ZNF827: variants seen among roughly 807,000 people sequenced by gnomAD.
ZNF827 encodes the protein zinc finger protein 827.
Under a neutral mutation model 102.4 loss-of-function variants are expected in ZNF827, and 13 were observed. That is an observed-to-expected ratio of 0.13 (90% CI 0.08 to 0.20). ZNF827 has a LOEUF of 0.20. Ranked by LOEUF, ZNF827 falls within the 10% of genes least tolerant of loss-of-function variation. The pLI is 1.00. For synonymous variants in ZNF827, 523 were observed against 536.2 expected, an observed-to-expected ratio of 0.98 and a Z score of 0.34; for missense variants, 1,103 against 1,344.4, an observed-to-expected ratio of 0.82 and a Z score of 2.81.
At chr4:145,867,409 T>C (rs374446976) in intron 5 of ZNF827, among the ~76,000 whole-genome samples, 1 of 152,220 alleles carries the variant, frequency 6.6e-6, no homozygotes, top group South Asian at 2.1e-4. Flanking sequence ...CCACATGATA[T>C]GTGACTGGGC....
chr4:145,767,009 C>A (rs911746841), intron 11 of ZNF827, among the ~76,000 whole-genome samples: 7 of 152,058 alleles, frequency 4.6e-5, no homozygotes, highest in African/African-American at 1.7e-4. Context: ...ATTAAGCACC[C>A]AACATGGTAA....
intron 7 of ZNF827, among the ~76,000 whole-genome samples, chr4:145,824,613 A>G (rs1743481909): frequency 6.6e-6 from 1 of 152,186 alleles, no homozygotes; most frequent in African/African-American, 2.4e-5. Flanking sequence ...AGGGAGTGGT[A>G]GAATACCCAG....
At position 145,758,617 on chromosome 4, in the gene ZNF827, C is replaced by T. The variant is rs1734146442; in HGVS notation, c.*2999G>A. 1 of 152,330 alleles carries T rather than the reference C, an allele frequency of 6.6e-6. No individual in the cohort carries two copies. Among genetic ancestry groups the T allele is most frequent in the Admixed American group, 6.5e-5 (1 of 15,278 alleles). 9.4% of individuals were successfully genotyped at this position (152,330 alleles called of 1,614,324 possible). A position where few individuals can be genotyped will look rare whatever the true frequency, so the allele number is the denominator to read the frequency against. On this transcript the variant is annotated 3_prime_UTR_variant, in exon 15 of 15. Transcript: ENST00000508784. ...AAACAAAACAAAAAACCAACCCACC[C>T]ATAAGCCCAGTATTCTTGGAGTGTA...
intron 8 of ZNF827, among the ~76,000 whole-genome samples, chr4:145,806,830 A>G (rs930409517): frequency 6.6e-6 from 1 of 152,248 alleles, no homozygotes; most frequent in Non-Finnish European, 1.5e-5. Flanking sequence ...TGATGCAATG[A>G]GACAGTACAA....
At chr4:145,908,531 C>T (rs893957123) in intron 1 of ZNF827, among the ~76,000 whole-genome samples, 2 of 152,194 alleles carry the variant, frequency 1.3e-5, no homozygotes, top group African/African-American at 4.8e-5. Flanking sequence ...ATATCTAATG[C>T]CTTTTAAGAT....
At chr4:145,803,924 ATT>A (rs35773926) in intron 8 of ZNF827, among the ~76,000 whole-genome samples, 5 of 150,906 alleles carry the variant, frequency 3.3e-5, no homozygotes, top group South Asian at 4.2e-4. Flanking sequence ...CTAACTTCAT[ATT>A]TTTTTTTTGT....
chr4:145,911,128 C>T (rs1752257216), intron 1 of ZNF827, among the ~76,000 whole-genome samples: 3 of 152,148 alleles, frequency 2.0e-5, no homozygotes, highest in South Asian at 4.1e-4. Flanking sequence ...GTGAGTCAAA[C>T]ATGGAACAGG....
At chr4:145,868,002 A>C (rs1362419613) in intron 5 of ZNF827, among the ~76,000 whole-genome samples, 1 of 152,240 alleles carries the variant, frequency 6.6e-6, no homozygotes, top group Non-Finnish European at 1.5e-5. Flanking sequence ...AAGAACACAC[A>C]AAGTTTTTTC....
At chr4:145,833,472 C>T (rs1040781473) in intron 7 of ZNF827, among the ~76,000 whole-genome samples, 9 of 152,086 alleles carry the variant, frequency 5.9e-5, no homozygotes, top group Admixed American at 2.6e-4. Context: ...TGGCAAGTCC[C>T]GCTTTCCTGG....
chr4:145,835,609 C>A (rs1744751140), intron 7 of ZNF827, among the ~76,000 whole-genome samples: 1 of 150,310 alleles, frequency 6.7e-6, no homozygotes, highest in African/African-American at 2.5e-5. Context: ...TCCTTTGCGT[C>A]CTCCTCTTGT....
At chr4:145,853,983 A>G (rs769180431) in intron 5 of ZNF827, among the ~76,000 whole-genome samples, 13 of 152,082 alleles carry the variant, frequency 8.5e-5, no homozygotes, top group Non-Finnish European at 1.6e-4. Flanking sequence ...TTAAAAAAAA[A>G]TGAAGAAACA....
Position 145,796,776 on chromosome 4 carries a change from C to G in ZNF827, c.2384-17265G>C, listed in dbSNP as rs962469493. Among the ~76,000 whole-genome samples, 80 of 152,012 alleles carry G rather than the reference C, an allele frequency of 5.3e-4. 5 individuals carry two copies. The highest frequency in any genetic ancestry group is 4.4e-5 in the Non-Finnish European group (3 of 68,004). On this transcript the variant is annotated intron_variant, in intron 8 of 14. Coordinates refer to ENST00000508784, the MANE Select transcript of ZNF827 (RefSeq NM_001306215.2). Reference sequence around the variant, plus strand: ...TCCCAAGTAGCTGGGATTACAGATGCCCGCTACCACGCCTGGCTAATTTTT... The same window carrying G: ...TCCCAAGTAGCTGGGATTACAGATGGCCGCTACCACGCCTGGCTAATTTTT...
intron 1 of ZNF827, among the ~76,000 whole-genome samples, chr4:145,937,358 G>A (rs1579615542): frequency 6.6e-6 from 1 of 151,972 alleles, no homozygotes; most frequent in African/African-American, 2.4e-5. Context: ...GCCAAGGAGG[G>A]GGTCTGAGAG....
intron 1 of ZNF827, among the ~76,000 whole-genome samples, chr4:145,922,928 C>T (rs189730597): frequency 6.6e-6 from 1 of 152,184 alleles, no homozygotes. Flanking sequence ...GTGAATTTGA[C>T]AGCTTCCCAA....
intron 2 of ZNF827, among the ~76,000 whole-genome samples, chr4:145,895,571 C>A (rs1264530926): frequency 1.3e-5 from 2 of 152,134 alleles, no homozygotes; most frequent in East Asian, 3.9e-4. Flanking sequence ...CTGATCACAG[C>A]AGGAAAGGAA....
At chr4:145,857,754 T>C (rs1302316859) in intron 5 of ZNF827, among the ~76,000 whole-genome samples, 2 of 152,200 alleles carry the variant, frequency 1.3e-5, no homozygotes, top group African/African-American at 4.8e-5. Context: ...ACTTTGAGTG[T>C]CCTGGTGTTA....
intron 8 of ZNF827, among the ~76,000 whole-genome samples, chr4:145,798,805 T>C (rs2127094755): frequency 6.6e-6 from 1 of 152,358 alleles, no homozygotes; most frequent in East Asian, 1.9e-4. Context: ...TCTGAAATAA[T>C]GTAAAAGGTA....
At chr4:145,883,204 A>T (rs1749821455) in intron 4 of ZNF827, among the ~76,000 whole-genome samples, 1 of 152,026 alleles carries the variant, frequency 6.6e-6, no homozygotes, top group African/African-American at 2.4e-5. Flanking sequence ...GATGCATCTC[A>T]CTCCCCAGTG....
At chr4:145,774,767 A>T (rs1389490143) in intron 10 of ZNF827, 95 bp from the exon 11 acceptor site, 1 of 1,367,530 alleles carries the variant, frequency 7.3e-7, no homozygotes, top group Non-Finnish European at 9.9e-7. Flanking sequence ...CACTCAAGAA[A>T]ACTGGAATTT....
Sources: gnomAD v4.1 joint callset for allele counts (sites outside exome capture counted in the v4.1 genomes callset) on GRCh38, gnomAD v4.1.1 for gene constraint, MANE v1.5 for transcripts, NCBI Gene and HGNC (gene_info 2026-07-23, HGNC 2026-07-21) for gene names.